The following KCNMA1 variants were observed in gnomAD, a reference collection of about 807,000 sequenced individuals.
KCNMA1 encodes potassium calcium-activated channel subfamily M alpha 1.
A neutral mutation model predicts 140.0 loss-of-function variants in KCNMA1; 29 were observed. The observed-to-expected ratio is 0.21, with a 90% CI of 0.15 to 0.28. KCNMA1 has a LOEUF of 0.28. KCNMA1 is among the 10% of genes least tolerant of loss of function. The pLI, the probability that KCNMA1 is intolerant of heterozygous loss-of-function variation, is 1.00. For missense variants in KCNMA1, 880 were observed against 1,602.2 expected, an observed-to-expected ratio of 0.55 and a Z score of 7.70; for synonymous variants, 612 against 611.9, an observed-to-expected ratio of 1.00 and a Z score of 0.00.
chr10:76,988,871 T>A (rs1416964325), intron 19 of KCNMA1, among the ~76,000 whole-genome samples: 1 of 152,180 alleles, frequency 6.6e-6, no homozygotes, highest in Non-Finnish European at 1.5e-5. Context: ...TCTGTACTAT[T>A]CCAACTAGGA....
At chr10:77,630,135 G>A (rs191346554) in intron 1 of KCNMA1, among the ~76,000 whole-genome samples, 2 of 152,146 alleles carry the variant, frequency 1.3e-5, no homozygotes, top group Non-Finnish European at 2.9e-5. Flanking sequence ...CCTCCATTTG[G>A]GAAGGCCCAC....
chr10:77,380,934 CCT>C (rs2095361392), intron 2 of KCNMA1, among the ~76,000 whole-genome samples: 1 of 152,194 alleles, frequency 6.6e-6, no homozygotes. Flanking sequence ...AAACTTATGA[CCT>C]CTTTCTCAGA....
intron 3 of KCNMA1, among the ~76,000 whole-genome samples, chr10:77,238,902 ACCAGT>A (rs932501807): frequency 2.0e-5 from 3 of 152,174 alleles, no homozygotes; most frequent in African/African-American, 7.2e-5. Flanking sequence ...AAGAACCACC[ACCAGT>A]CTACATGGTA....
rs951945814 is a variant in KCNMA1, at chr10:77,164,001, G to A, written c.808+19420C>T. On this transcript the variant is annotated intron_variant, in intron 5 of 27. Transcript: ENST00000286628. ...AGAAGAAATGTAAGCAAATTCCTGG[G>A]CATCCCCAGGCCCCAGTTTTCTCAT... is the stretch of plus-strand genomic sequence containing the variant. Among the ~76,000 whole-genome samples the A allele has an allele frequency of 2.0e-5, 3 of 152,198 alleles. No homozygotes were observed. The East Asian group carries it at 5.8e-4, about 29-fold the overall frequency.
intron 5 of KCNMA1, among the ~76,000 whole-genome samples, chr10:77,131,978 A>G (rs1448708041): frequency 1.1e-4 from 17 of 151,426 alleles, no homozygotes; most frequent in East Asian, 5.9e-4. Flanking sequence ...AAAAAAAAAA[A>G]AAAAGAAAAG....
At chr10:77,310,056 G>A (rs1449809649) in intron 2 of KCNMA1, among the ~76,000 whole-genome samples, 3 of 152,274 alleles carry the variant, frequency 2.0e-5, no homozygotes, top group African/African-American at 7.2e-5. Context: ...GATTTTCATG[G>A]GTTGGGAGGA....
intron 1 of KCNMA1, among the ~76,000 whole-genome samples, chr10:77,512,074 C>G (rs1407141510): frequency 6.6e-6 from 1 of 152,170 alleles, no homozygotes; most frequent in South Asian, 2.1e-4. Context: ...GTATGTTATC[C>G]GGGCATGAAG....
chr10:77,557,312 T>C, intron 1 of KCNMA1, among the ~76,000 whole-genome samples: 1 of 152,340 alleles, frequency 6.6e-6, no homozygotes, highest in Non-Finnish European at 1.5e-5. Flanking sequence ...GCATTTTCCA[T>C]CTGGGAGGGC....
Position 77,058,585 on chromosome 10 carries a change from C to T in KCNMA1, c.1749+14512G>A, listed in dbSNP as rs910294163. 3.2e-4 allele frequency among the ~76,000 whole-genome samples: 49 copies of T among 151,930 alleles called. 2 individuals carry two copies. ...GGTTCTTAACCATAATGGAATCAGA[C>T]TACAAATCAATAATAGAAAGATAAG... On this transcript the variant is annotated intron_variant, in intron 14 of 27. Transcript: ENST00000286628.
chr10:77,565,439 AG>A (rs1231520071), intron 1 of KCNMA1, among the ~76,000 whole-genome samples: 3 of 152,234 alleles, frequency 2.0e-5, no homozygotes, highest in African/African-American at 7.2e-5. Context: ...GATGATAAAA[AG>A]AAGGTAGAGG....
At position 77,171,412 on chromosome 10, in the gene KCNMA1, T is replaced by C. The variant is rs866558029; in HGVS notation, c.808+12009A>G. The stretch of plus-strand genomic sequence containing the variant: ...GTGTGTGTGTGTGCGTGTGTGTGTG[T>C]GTGTGTGTGTGTGTGTGTGTGTGTG... On this transcript the variant is annotated intron_variant, in intron 5 of 27. Transcript: ENST00000286628. 4.9e-4 allele frequency among the ~76,000 whole-genome samples: 65 copies of C among 131,968 alleles called. No homozygotes were observed. In the South Asian group the frequency reaches 5.1e-3, roughly 10 times the overall value. The allele number at this position is 131,968 out of a possible 152,430, so 86.6% of individuals were successfully genotyped here. A position where few individuals can be genotyped will look rare whatever the true frequency, so the allele number is the denominator to read the frequency against.
At position 76,944,780 on chromosome 10, in the gene KCNMA1, A is replaced by C; in HGVS notation, c.2895T>G (p.Asn965Lys). Residue 965 changes from asparagine (N) to lysine (K), a missense_variant, in exon 23 of 28, where the codon AAT becomes AAG. Physicochemically the swap from Asn to Lys is moderately conservative, Grantham distance 94 (BLOSUM62 0). Transcript: ENST00000286628. ...FDDSIGVLQA[N>K]SQGFTPPGMD... ...ATTACAGGCTGTCCTTACCTTGGGA[A>C]TTAGCCTGCAAGACTCCGATGCTGT... is the stretch of plus-strand genomic sequence containing the variant. 2.5e-6 allele frequency: 4 copies of C among 1,614,050 alleles called. No individual in the cohort carries two copies. The highest frequency in any genetic ancestry group is 3.4e-6 in the Non-Finnish European group (4 of 1,179,924).
At chr10:77,284,576 C>A (rs893215592) in intron 2 of KCNMA1, among the ~76,000 whole-genome samples, 1 of 152,018 alleles carries the variant, frequency 6.6e-6, no homozygotes, top group Non-Finnish European at 1.5e-5. Context: ...TGCAGTGGCA[C>A]GATCTCGACT....
At chr10:77,398,363 ATTTT>A (rs766608997) in intron 2 of KCNMA1, among the ~76,000 whole-genome samples, 3 of 152,060 alleles carry the variant, frequency 2.0e-5, no homozygotes, top group African/African-American at 7.2e-5. Context: ...AACATCTGTT[ATTTT>A]TTGTCTTTTT....
In KCNMA1 at chr10:77,306,373, G is replaced by A. The variant is rs116806532; in HGVS notation, c.541-55117C>T. Among the ~76,000 whole-genome samples, 523 of 152,334 alleles carry A rather than the reference G, an allele frequency of 3.4e-3. 2 individuals are homozygous for A. The highest frequency in any genetic ancestry group is 0.012 in the African/African-American group (494 of 41,594). ...GCTAACCTGATCTGGTAGGGGTGATGCCCAAGAAGGATGAGTAAGTGGAGG... is the reference window on the plus strand; with the variant it reads ...GCTAACCTGATCTGGTAGGGGTGATACCCAAGAAGGATGAGTAAGTGGAGG... On this transcript the variant is annotated intron_variant, in intron 2 of 27. Transcript: ENST00000286628.
chr10:77,305,631 A>G (rs1291820130), intron 2 of KCNMA1, among the ~76,000 whole-genome samples: 5 of 152,224 alleles, frequency 3.3e-5, no homozygotes, highest in African/African-American at 1.2e-4. Context: ...TAAAATTAAG[A>G]TGATAAAACA....
At chr10:77,558,360 C>T (rs944160703) in intron 1 of KCNMA1, among the ~76,000 whole-genome samples, 1 of 152,152 alleles carries the variant, frequency 6.6e-6, no homozygotes, top group African/African-American at 2.4e-5. Context: ...CTGGGTGTAG[C>T]AACTCCATCA....
At chr10:77,099,822 T>A (rs2153821734) in intron 9 of KCNMA1, among the ~76,000 whole-genome samples, 3 of 152,058 alleles carry the variant, frequency 2.0e-5, no homozygotes, top group Non-Finnish European at 4.4e-5. Flanking sequence ...GACCTCAGGA[T>A]CACATCAGCG....
At chr10:77,272,150 A>T (rs576319331) in intron 2 of KCNMA1, among the ~76,000 whole-genome samples, 2 of 152,170 alleles carry the variant, frequency 1.3e-5, no homozygotes, top group African/African-American at 4.8e-5. Flanking sequence ...TTGTTGACTT[A>T]CTTCTTACTT....
Sources: allele counts gnomAD v4.1 joint callset (sites outside exome capture counted in the v4.1 genomes callset), GRCh38; gene constraint gnomAD v4.1.1; transcripts MANE v1.5; gene names NCBI Gene and HGNC (gene_info 2026-07-23, HGNC 2026-07-21).